The following GVQW3 variants were observed in gnomAD, a reference collection of about 807,000 sequenced individuals.
GVQW3 encodes GVQW motif containing 3, also known as protein GVQW3.
Under a neutral mutation model 12.5 loss-of-function variants are expected in GVQW3, and 7 were observed. The observed-to-expected ratio is 0.56, with a 90% confidence interval of 0.32 to 1.05. GVQW3 has a LOEUF of 1.05. Ranked by LOEUF, GVQW3 falls within the 50% of genes least tolerant of loss-of-function variation. GVQW3 has a pLI of 0.04. For synonymous variants in GVQW3, 71 were observed against 67.2 expected, an observed-to-expected ratio of 1.06 and a Z score of -0.28; for missense variants, 188 against 190.8, an observed-to-expected ratio of 0.99 and a Z score of 0.09.
rs149007532 is a variant in GVQW3 at position 76,387,533 on chromosome 11, A to G, written c.465+5240A>G. Among the ~76,000 whole-genome samples, 59 of 152,328 alleles carry G rather than the reference A, an allele frequency of 3.9e-4. No individual in the cohort carries two copies. In the East Asian group the frequency reaches 7.3e-3, roughly 19 times the overall value. On this transcript the variant is annotated intron_variant, in intron 1 of 1. Coordinates refer to ENST00000529331, the MANE Select transcript of GVQW3 (RefSeq NM_001347885.2). ...TTTGATATAACCCCCAGTCTAGTGT[A>G]TATGAAGTGTGTATATAAAAATGAC...
Position 76,381,705 on chromosome 11 carries a change from G to C in GVQW3, c.-124G>C. On this transcript the variant is annotated 5_prime_UTR_variant, in exon 1 of 2. Coordinates refer to ENST00000529331, the MANE Select transcript of GVQW3 (RefSeq NM_001347885.2). ...TCATAAAAGCAATTACTCTTTCCCG[G>C]CGAGGCTTCTAGAAGAGCAAGAAGA... 2 of 901,780 alleles carry C rather than the reference G, an allele frequency of 2.2e-6. No individual in the cohort carries two copies. The highest frequency in any genetic ancestry group is 3.4e-5 in the African/African-American group (2 of 59,424). The allele number at this position is 901,780 out of a possible 1,614,324, so 55.9% of individuals were successfully genotyped here. A position where few individuals can be genotyped will look rare whatever the true frequency, so the allele number is the denominator to read the frequency against.
chr11:76,397,906 G>A (rs977820542), intron 1 of GVQW3, among the ~76,000 whole-genome samples: 4 of 152,146 alleles, frequency 2.6e-5, no homozygotes, highest in South Asian at 2.1e-4. Flanking sequence ...AGGCTGAGGC[G>A]GGTGGATCAT....
At chr11:76,397,896 A>T (rs1270029215) in intron 1 of GVQW3, among the ~76,000 whole-genome samples, 2 of 152,142 alleles carry the variant, frequency 1.3e-5, no homozygotes, top group African/African-American at 4.8e-5. Flanking sequence ...GCACTTTGGG[A>T]GGCTGAGGCG....
At chr11:76,398,906 G>T (rs1040579801) in intron 1 of GVQW3, among the ~76,000 whole-genome samples, 1 of 152,152 alleles carries the variant, frequency 6.6e-6, no homozygotes, top group African/African-American at 2.4e-5. Flanking sequence ...TAGGATTCTG[G>T]TTTGAGATTT....
intron 1 of GVQW3, among the ~76,000 whole-genome samples, chr11:76,397,440 A>G (rs1272873847): frequency 6.6e-6 from 1 of 152,200 alleles, no homozygotes; most frequent in Non-Finnish European, 1.5e-5. Flanking sequence ...GCTCATGTAC[A>G]AGGTTTTTGT....
chr11:76,388,742 ACTGCATAC>A (rs1394412050), intron 1 of GVQW3, among the ~76,000 whole-genome samples: 1 of 152,090 alleles, frequency 6.6e-6, no homozygotes, highest in African/African-American at 2.4e-5. Flanking sequence ...CCCATTGTTA[ACTGCATAC>A]CTGGAAATAG....
chr11:76,400,199 G>A (rs1249100549), intron 1 of GVQW3, among the ~76,000 whole-genome samples: 4 of 151,076 alleles, frequency 2.6e-5, no homozygotes, highest in Admixed American at 6.6e-5. Flanking sequence ...TGCCACCTCC[G>A]CCTCCCAGGT....
intron 1 of GVQW3, among the ~76,000 whole-genome samples, 177 bp from the exon 2 acceptor site, chr11:76,403,483 G>A (rs1305765822): frequency 6.6e-6 from 1 of 152,030 alleles, no homozygotes; most frequent in East Asian, 1.9e-4. Flanking sequence ...TTGTTTGTTT[G>A]TTTAGAAACA....
In GVQW3 at chr11:76,408,064, CAAT is replaced by C. The variant is rs1457841475; in HGVS notation, c.*4309_*4311del. 1 of 151,882 alleles carries C rather than the reference CAAT, an allele frequency of 6.6e-6. No individual in the cohort carries two copies. The highest frequency in any genetic ancestry group is 1.5e-5 in the Non-Finnish European group (1 of 67,980). 9.4% of individuals were successfully genotyped at this position (151,882 alleles called of 1,614,324 possible). A position where few individuals can be genotyped will look rare whatever the true frequency, so the allele number is the denominator to read the frequency against. Reference sequence around the variant, plus strand: ...ATATATATAATTTTTCTTATTATAACAATAAATATTACTTTTGTAGTTAGAAAA... The same window carrying C: ...ATATATATAATTTTTCTTATTATAACAAATATTACTTTTGTAGTTAGAAAA... On this transcript the variant is annotated 3_prime_UTR_variant, in exon 2 of 2. Coordinates refer to ENST00000529331, the MANE Select transcript of GVQW3 (RefSeq NM_001347885.2).
At chr11:76,413,448 C>G (rs752082333) in exon 2 of GVQW3, 2 of 152,208 alleles carry the variant, frequency 1.3e-5, no homozygotes, top group Non-Finnish European at 1.5e-5. Flanking sequence ...TACTTCGAAG[C>G]TAGATGGCCC....
At chr11:76,390,229 G>T (rs1380533065) in intron 1 of GVQW3, 1 of 152,188 alleles carries the variant, frequency 6.6e-6, no homozygotes, top group Non-Finnish European at 1.5e-5. Flanking sequence ...AGCTGAAAGA[G>T]TTCTTTAAGA....
At chr11:76,408,491 G>C (rs1322247518), downstream of GVQW3, 1 of 152,220 alleles carries the variant, frequency 6.6e-6, no homozygotes, top group Admixed American at 6.5e-5. Context: ...GGATCCCTGG[G>C]ACAGGAAGCA....
In GVQW3 at chr11:76,403,698, C is replaced by A; in HGVS notation, c.504C>A (p.Asn168Lys). ...NLTMLPRLVS[N>K]SLSQGILPPW... ...CTATGTTGCCCAGGCTGGTCTCGAA[C>A]TCCTTGTCTCAAGGGATCCTCCCAC... The change falls in exon 2 of 2, where the codon AAC (asparagine) becomes AAA (lysine). Residue 168 changes from asparagine to lysine, a missense_variant. Asn to Lys is a moderately conservative substitution (Grantham distance 94). Transcript: ENST00000529331. 4.2e-6 allele frequency: 2 copies of A among 481,920 alleles called. No homozygotes were observed. Among genetic ancestry groups the A allele is most frequent in the East Asian group, 3.3e-5 (1 of 30,484 alleles). 29.9% of individuals were successfully genotyped at this position (481,920 alleles called of 1,614,324 possible).
At chr11:76,394,562 C>T (rs2134550888) in intron 1 of GVQW3, among the ~76,000 whole-genome samples, 1 of 152,310 alleles carries the variant, frequency 6.6e-6, no homozygotes, top group African/African-American at 2.4e-5. Flanking sequence ...TTGTGTATAT[C>T]TGCCACATTT....
At position 76,403,764 on chromosome 11, in the gene GVQW3, C is replaced by A. The variant is rs1028689143; in HGVS notation, c.*6C>A. 1.1e-5 allele frequency: 6 copies of A among 536,482 alleles called. No homozygotes were observed. The highest frequency in any genetic ancestry group is 2.0e-5 in the Non-Finnish European group (6 of 293,570). 33.2% of individuals were successfully genotyped at this position (536,482 alleles called of 1,614,324 possible). A position where few individuals can be genotyped will look rare whatever the true frequency, so the allele number is the denominator to read the frequency against. On this transcript the variant is annotated 3_prime_UTR_variant, in exon 2 of 2. Transcript: ENST00000529331. ...CTCTGGGATTATCAGCATGAGCCACCATGCCAAGCCAAAACCAGGAGTTCA... is the reference window on the plus strand; with the variant it reads ...CTCTGGGATTATCAGCATGAGCCACAATGCCAAGCCAAAACCAGGAGTTCA...
At chr11:76,384,651 A>C (rs1428910030) in intron 1 of GVQW3, among the ~76,000 whole-genome samples, 2 of 152,222 alleles carry the variant, frequency 1.3e-5, no homozygotes, top group Non-Finnish European at 2.9e-5. Flanking sequence ...GACACCTTGA[A>C]AGCTAGACGT....
chr11:76,390,672 A>G (rs1946883175), intron 1 of GVQW3, among the ~76,000 whole-genome samples: 1 of 152,066 alleles, frequency 6.6e-6, no homozygotes, highest in Non-Finnish European at 1.5e-5. Context: ...AAAAATACGA[A>G]AAAAATTAGC....
At chr11:76,388,172 G>T (rs762465684) in intron 1 of GVQW3, among the ~76,000 whole-genome samples, 2 of 152,174 alleles carry the variant, frequency 1.3e-5, no homozygotes, top group African/African-American at 4.8e-5. Flanking sequence ...ACTGAAGGTA[G>T]TCCCAAAAAT....
At chr11:76,410,847 A>C (rs1358241283), downstream of GVQW3, 1 of 152,158 alleles carries the variant, frequency 6.6e-6, no homozygotes, top group Non-Finnish European at 1.5e-5. Flanking sequence ...TCAGATACTT[A>C]TTTGTGTTTT....
Sources: allele counts gnomAD v4.1 joint callset (sites outside exome capture counted in the v4.1 genomes callset), GRCh38; gene constraint gnomAD v4.1.1; transcripts MANE v1.5; gene names NCBI Gene and HGNC (gene_info 2026-07-23, HGNC 2026-07-21).